Variants in CDH18 observed in about 807,000 individuals in gnomAD.
The protein encoded by CDH18 is cadherin 18, also known as cadherin-18.
A neutral mutation model predicts 67.9 loss-of-function variants in CDH18; 31 were observed. That is an observed-to-expected ratio of 0.46 (90% CI 0.34 to 0.62). The LOEUF (loss-of-function observed/expected upper bound fraction) is 0.62, where lower values mean the gene tolerates loss of function less well. Ranked by LOEUF, CDH18 falls within the 20% of genes least tolerant of loss-of-function variation. The pLI is 0.01. For missense variants in CDH18, 890 were observed against 975.5 expected, an observed-to-expected ratio of 0.91 and a Z score of 1.17; for synonymous variants, 362 against 347.2, an observed-to-expected ratio of 1.04 and a Z score of -0.48.
chr5:20,097,767 G>A (rs1009683042), intron 2 of CDH18, among the ~76,000 whole-genome samples: 3 of 151,858 alleles, frequency 2.0e-5, no homozygotes, highest in African/African-American at 7.3e-5. Context: ...CTATTCTTTT[G>A]CAAATTTTCT....
chr5:20,128,805 T>C (rs1321134613), intron 2 of CDH18, among the ~76,000 whole-genome samples: 1 of 152,046 alleles, frequency 6.6e-6, no homozygotes, highest in Non-Finnish European at 1.5e-5. Context: ...AAATAAATGT[T>C]GAAGACATTT....
intron 1 of CDH18, among the ~76,000 whole-genome samples, chr5:20,309,512 G>T (rs1235199845): frequency 6.6e-6 from 1 of 152,152 alleles, no homozygotes; most frequent in African/African-American, 2.4e-5. Flanking sequence ...CATGTGACAT[G>T]ATAATTTAAT....
chr5:19,961,411 A>T lies in CDH18; in HGVS notation c.-257+19649T>A, dbSNP rs76406330. ...CGTGAGCCACCGTGCCCAGCCAACT[A>T]CATTATAATCTTATGAGACCACCAT... On this transcript the variant is annotated intron_variant, in intron 2 of 12. Coordinates refer to ENST00000382275, the MANE Select transcript of CDH18 (RefSeq NM_004934.5). Among the ~76,000 whole-genome samples the T allele has an allele frequency of 1.8e-4, 28 of 152,058 alleles. No individual in the cohort carries two copies. The East Asian group carries it at 5.0e-3, about 27-fold the overall frequency.
intron 1 of CDH18, among the ~76,000 whole-genome samples, chr5:20,431,027 T>C (rs1012049834): frequency 4.6e-5 from 7 of 152,206 alleles, no homozygotes; most frequent in African/African-American, 1.7e-4. Context: ...AAATGTGTCA[T>C]GATAATTTCT....
intron 5 of CDH18, among the ~76,000 whole-genome samples, chr5:19,635,491 T>C (rs954626615): frequency 1.3e-5 from 2 of 152,224 alleles, no homozygotes; most frequent in Non-Finnish European, 2.9e-5. Context: ...AAGTGAGAGA[T>C]GGTTGTTTTG....
intron 2 of CDH18, among the ~76,000 whole-genome samples, chr5:20,174,545 C>T (rs1386141504): frequency 2.0e-5 from 3 of 152,056 alleles, no homozygotes; most frequent in Admixed American, 6.6e-5. Context: ...ATTTATTCAC[C>T]TTTTTTGGGG....
chr5:20,385,615 T>C (rs1248962142), intron 1 of CDH18, among the ~76,000 whole-genome samples: 2 of 152,148 alleles, frequency 1.3e-5, no homozygotes, highest in Admixed American at 6.5e-5. Context: ...ACTTTTGACT[T>C]ACACACAATC....
chr5:19,927,668 G>A (rs1793241195), intron 2 of CDH18, among the ~76,000 whole-genome samples: 1 of 152,018 alleles, frequency 6.6e-6, no homozygotes, highest in South Asian at 2.1e-4. Context: ...ATTTTCTAAT[G>A]CAGACATGTA....
intron 2 of CDH18, among the ~76,000 whole-genome samples, chr5:20,193,629 G>A (rs1229089069): frequency 1.3e-5 from 2 of 151,800 alleles, no homozygotes; most frequent in Non-Finnish European, 2.9e-5. Flanking sequence ...TACAAAAATC[G>A]GGAAGAGACA....
intron 2 of CDH18, among the ~76,000 whole-genome samples, chr5:20,206,234 A>T (rs1376990318): frequency 6.6e-6 from 1 of 151,884 alleles, no homozygotes; most frequent in Non-Finnish European, 1.5e-5. Context: ...TGGAAAACCT[A>T]GAAAAAAACT....
intron 11 of CDH18, among the ~76,000 whole-genome samples, chr5:19,488,406 A>C (rs1377611708): frequency 6.6e-6 from 1 of 152,176 alleles, no homozygotes; most frequent in South Asian, 2.1e-4. Context: ...AATATTTCCA[A>C]ATCTATCAGA....
At chr5:20,241,905 T>TATACATATATATATATAA (rs55928681) in intron 2 of CDH18, among the ~76,000 whole-genome samples, 2 of 141,450 alleles carry the variant, frequency 1.4e-5, no homozygotes, top group African/African-American at 5.6e-5. Flanking sequence ...TATATATATA[T>TATACATATATATATATAA]ATATTGCTTA....
At chr5:19,473,818 A>G (rs991102420) in intron 12 of CDH18, 102 bp from the exon 13 acceptor site, 34 of 970,370 alleles carry the variant, frequency 3.5e-5, no homozygotes, top group Admixed American at 4.4e-5. Context: ...GTCATTAACC[A>G]CATTCCAGAG....
chr5:20,399,986 T>C (rs779942250), intron 1 of CDH18, among the ~76,000 whole-genome samples: 15 of 152,166 alleles, frequency 9.9e-5, no homozygotes, highest in Non-Finnish European at 1.8e-4. Context: ...TCATCAGAAA[T>C]GTTTAACTTC....
At chr5:20,110,384 T>A (rs1424671956) in intron 2 of CDH18, among the ~76,000 whole-genome samples, 1 of 152,188 alleles carries the variant, frequency 6.6e-6, no homozygotes, top group Non-Finnish European at 1.5e-5. Flanking sequence ...GCCACATTTT[T>A]GAAAATACCA....
intron 6 of CDH18, among the ~76,000 whole-genome samples, chr5:19,596,599 T>A (rs894328529): frequency 4.6e-5 from 7 of 152,204 alleles, no homozygotes; most frequent in Non-Finnish European, 1.0e-4. Flanking sequence ...ATGATAGCGT[T>A]ATAAAGAAGG....
intron 2 of CDH18, among the ~76,000 whole-genome samples, chr5:20,051,860 A>C (rs1019130807): frequency 6.6e-6 from 1 of 151,962 alleles, no homozygotes; most frequent in African/African-American, 2.4e-5. Context: ...GTCATACGGG[A>C]TGTGTAAGAT....
intron 3 of CDH18, among the ~76,000 whole-genome samples, chr5:19,755,550 A>G (rs1771493280): frequency 7.0e-6 from 1 of 143,230 alleles, no homozygotes; most frequent in African/African-American, 2.5e-5. Flanking sequence ...TTTTATATAT[A>G]TATTTTATAT....
At chr5:19,752,829 G>C (rs1771034325) in intron 3 of CDH18, among the ~76,000 whole-genome samples, 1 of 152,140 alleles carries the variant, frequency 6.6e-6, no homozygotes, top group Non-Finnish European at 1.5e-5. Flanking sequence ...ATGGCTGAGA[G>C]ACCCACAGAC....
Sources: allele counts gnomAD v4.1 joint callset (sites outside exome capture counted in the v4.1 genomes callset), GRCh38; gene constraint gnomAD v4.1.1; transcripts MANE v1.5; gene names NCBI Gene and HGNC (gene_info 2026-07-23, HGNC 2026-07-21).